LRRTM4: variants seen among roughly 807,000 people sequenced by gnomAD.
The protein encoded by LRRTM4 is leucine-rich repeat transmembrane neuronal protein 4.
LRRTM4 carries 25 observed loss-of-function variants against 47.6 expected under a neutral mutation model. The observed-to-expected ratio is 0.53, with a 90% CI of 0.38 to 0.73. LRRTM4 has a LOEUF of 0.73. Among genes scored for constraint, LRRTM4 ranks in the 30% least tolerant of loss-of-function variants. LRRTM4 has a pLI of 0.00. For missense variants in LRRTM4, 638 were observed against 713.4 expected (o/e 0.89, Z 1.20); for synonymous variants, 311 against 269.5 (o/e 1.15, Z -1.51).
At chr2:77,011,338 C>T (rs750151978) in intron 3 of LRRTM4, among the ~76,000 whole-genome samples, 6 of 151,988 alleles carry the variant, frequency 3.9e-5, no homozygotes, top group Admixed American at 6.6e-5. Context: ...CATTTATGTA[C>T]TCAATAGCTA....
At chr2:77,493,665 G>A (rs1277582634) in intron 3 of LRRTM4, among the ~76,000 whole-genome samples, 2 of 152,074 alleles carry the variant, frequency 1.3e-5, no homozygotes, top group African/African-American at 4.8e-5. Flanking sequence ...TTATAAAGAA[G>A]TGAGTTTAGA....
intron 3 of LRRTM4, among the ~76,000 whole-genome samples, chr2:76,876,926 T>G (rs78830526): frequency 0.035 from 5,323 of 152,162 alleles, 128 homozygotes; most frequent in Non-Finnish European, 0.056. Flanking sequence ...GTTAAATTGT[T>G]TAAAATAAAG....
chr2:76,765,181 C>A (rs537307184), intron 3 of LRRTM4, among the ~76,000 whole-genome samples: 1 of 152,144 alleles, frequency 6.6e-6, no homozygotes, highest in African/African-American at 2.4e-5. Flanking sequence ...TAGAATAGGT[C>A]GTCTATTCTA....
rs200993543 is a variant in LRRTM4 at position 77,049,117 on chromosome 2, ATTTT to A, written c.1552-300205_1552-300202del. ...TTTTTTTTTGACTAAATAATATTTC[ATTTT>A]TTATATATATATATATATATATATA... On this transcript the variant is annotated intron_variant, in intron 3 of 3. Coordinates refer to ENST00000409884, the MANE Select transcript of LRRTM4 (RefSeq NM_001134745.3). Among the ~76,000 whole-genome samples the A allele has an allele frequency of 8.4e-5, 7 of 83,600 alleles. 1 individual carries two copies. The highest frequency in any genetic ancestry group is 1.2e-4 in the African/African-American group (2 of 16,346). The allele number at this position is 83,600 out of a possible 152,430, so 54.8% of individuals were successfully genotyped here.
At chr2:77,227,077 C>G (rs763339824) in intron 3 of LRRTM4, among the ~76,000 whole-genome samples, 7 of 151,996 alleles carry the variant, frequency 4.6e-5, no homozygotes, top group Non-Finnish European at 1.0e-4. Flanking sequence ...ATAGCACTGC[C>G]ACCTGGTTTT....
rs1675463824 is a variant in LRRTM4 at position 77,246,934 on chromosome 2, G to A, written c.1551+271384C>T. ...TATAAAACTTCTGGATGAATATATAGTACTATTCCCAGAGGCAAATATGCC... is the reference window on the plus strand; with the variant it reads ...TATAAAACTTCTGGATGAATATATAATACTATTCCCAGAGGCAAATATGCC... On this transcript the variant is annotated intron_variant, in intron 3 of 3. Transcript: ENST00000409884. 6.6e-5 allele frequency among the ~76,000 whole-genome samples: 10 copies of A among 151,858 alleles called. No individual in the cohort carries two copies. In the South Asian group the frequency reaches 1.9e-3, roughly 28 times the overall value.
intron 3 of LRRTM4, among the ~76,000 whole-genome samples, chr2:76,833,545 T>C (rs1671417958): frequency 6.6e-6 from 1 of 151,958 alleles, no homozygotes; most frequent in African/African-American, 2.4e-5. Context: ...TTTAACTAAC[T>C]GTGTATCAGA....
intron 3 of LRRTM4, among the ~76,000 whole-genome samples, chr2:77,466,702 CTTTT>C (rs34276275): frequency 0.023 from 2,976 of 131,326 alleles, 83 homozygotes; most frequent in South Asian, 0.12. Context: ...ACTATGGCAA[CTTTT>C]TTTTTTTTTT....
chr2:77,112,723 C>T (rs954698930), intron 3 of LRRTM4, among the ~76,000 whole-genome samples: 4 of 151,864 alleles, frequency 2.6e-5, no homozygotes, highest in African/African-American at 7.3e-5. Flanking sequence ...ACCAAAGTAC[C>T]TTGAAAGAAA....
At chr2:76,752,056 A>G (rs746743463) in intron 3 of LRRTM4, among the ~76,000 whole-genome samples, 2 of 152,174 alleles carry the variant, frequency 1.3e-5, no homozygotes, top group African/African-American at 2.4e-5. Context: ...AACATTAAAC[A>G]TGGGTTGTGG....
chr2:77,440,485 G>A (rs944201295), intron 3 of LRRTM4, among the ~76,000 whole-genome samples: 1 of 152,072 alleles, frequency 6.6e-6, no homozygotes, highest in African/African-American at 2.4e-5. Flanking sequence ...ACAAAAACCC[G>A]AAATACATTT....
chr2:76,753,641 C>A (rs1369798892), intron 3 of LRRTM4, among the ~76,000 whole-genome samples: 1 of 151,910 alleles, frequency 6.6e-6, no homozygotes, highest in Non-Finnish European at 1.5e-5. Flanking sequence ...AGGGAGAGAG[C>A]GTATTTTTCA....
chr2:77,039,277 T>G (rs1678946484), intron 3 of LRRTM4, among the ~76,000 whole-genome samples: 2 of 150,876 alleles, frequency 1.3e-5, no homozygotes, highest in Non-Finnish European at 3.0e-5. Flanking sequence ...CGGGGACATA[T>G]GGTGAAATGA....
At chr2:76,944,894 T>C (rs912766904) in intron 3 of LRRTM4, among the ~76,000 whole-genome samples, 1 of 152,046 alleles carries the variant, frequency 6.6e-6, no homozygotes, top group Non-Finnish European at 1.5e-5. Context: ...CTCAGGAATA[T>C]TTACCAGTGT....
At chr2:77,173,466 C>A (rs1673109783) in intron 3 of LRRTM4, among the ~76,000 whole-genome samples, 1 of 152,076 alleles carries the variant, frequency 6.6e-6, no homozygotes, top group Admixed American at 6.6e-5. Context: ...TTAGGGATCT[C>A]ACTTTAAAAA....
chr2:76,800,015 T>C (rs1675574218), intron 3 of LRRTM4, among the ~76,000 whole-genome samples: 2 of 151,700 alleles, frequency 1.3e-5, no homozygotes, highest in Admixed American at 1.3e-4. Flanking sequence ...ATCGTGAAAA[T>C]GGTCATACTG....
At chr2:76,996,158 TATC>T (rs1268212563) in intron 3 of LRRTM4, among the ~76,000 whole-genome samples, 6 of 152,002 alleles carry the variant, frequency 3.9e-5, no homozygotes, top group Admixed American at 3.9e-4. Flanking sequence ...TTAAACATGT[TATC>T]ATAAACAAGC....
chr2:76,996,640 A>T (rs2121411), intron 3 of LRRTM4, among the ~76,000 whole-genome samples: 76,487 of 151,896 alleles, frequency 0.5, 19,961 homozygotes, highest in African/African-American at 0.63. Context: ...AAATATGAAA[A>T]ATGTCATAAG....
At chr2:77,211,222 A>G (rs1320743302) in intron 3 of LRRTM4, among the ~76,000 whole-genome samples, 9 of 152,224 alleles carry the variant, frequency 5.9e-5, no homozygotes. Context: ...AGAAACTATT[A>G]TTACCAGAAA....
Sources: allele counts gnomAD v4.1 joint callset (sites outside exome capture counted in the v4.1 genomes callset), GRCh38; gene constraint gnomAD v4.1.1; transcripts MANE v1.5; gene names NCBI Gene and HGNC (gene_info 2026-07-23, HGNC 2026-07-21).